Variants in PHF2 observed in about 807,000 individuals in gnomAD.
PHF2 encodes lysine-specific demethylase PHF2.
PHF2 carries 27 observed loss-of-function variants against 120.5 expected under a neutral mutation model. The ratio of observed to expected loss-of-function variants is 0.22; its 90% CI spans 0.17 to 0.31. The LOEUF (loss-of-function observed/expected upper bound fraction) is 0.31. Among genes scored for constraint, PHF2 ranks in the 10% least tolerant of loss-of-function variants. The probability of loss-of-function intolerance (pLI) is 1.00; values close to 1 mark genes in which losing one functional copy is unlikely to be tolerated. For missense variants in PHF2, 1,024 were observed against 1,434.8 expected, an observed-to-expected ratio of 0.71 and a Z score of 4.63; for synonymous variants, 568 against 592.5, an observed-to-expected ratio of 0.96 and a Z score of 0.60.
At chr9:93,654,391 T>A (rs1448637917) in intron 6 of PHF2, 22 bp from the exon 7 acceptor site, 1 of 1,607,384 alleles carries the variant, frequency 6.2e-7, no homozygotes, top group Non-Finnish European at 8.5e-7. Flanking sequence ...TGGGCGGCTC[T>A]GCCAACAGGC....
intron 17 of PHF2, 46 bp from the exon 18 acceptor site, chr9:93,673,539 C>T (rs200988002): frequency 1.3e-6 from 2 of 1,492,458 alleles, no homozygotes; most frequent in East Asian, 2.3e-5. Flanking sequence ...GCCTGGGCTG[C>T]AGGCCAAGAG....
At chr9:93,657,084 C>G (rs113555594) in intron 9 of PHF2, among the ~76,000 whole-genome samples, 7,020 of 152,226 alleles carry the variant, frequency 0.046, 236 homozygotes, top group Non-Finnish European at 0.072. Flanking sequence ...CTTTTCTGTC[C>G]CAGGTCCTGC....
chr9:93,649,359 CTT>C lies in PHF2; in HGVS notation c.602+150_602+151del, dbSNP rs1312337480. On this transcript the variant is annotated intron_variant, in intron 5 of 21. Coordinates refer to ENST00000359246, the MANE Select transcript of PHF2 (RefSeq NM_005392.4). ...ACACACTGATTTTTACTGTTTCTCT[CTT>C]TTAAATTTTTTCCTTTTTTTTTTTT... The C allele has an allele frequency of 2.3e-5, 5 of 214,758 alleles. No homozygotes were observed. In the Admixed American group the frequency reaches 3.8e-4, roughly 16 times the overall value. 13.3% of individuals were successfully genotyped at this position (214,758 alleles called of 1,614,324 possible). A position where few individuals can be genotyped will look rare whatever the true frequency, so the allele number is the denominator to read the frequency against.
At chr9:93,639,849 C>T (rs1826148678) in intron 3 of PHF2, among the ~76,000 whole-genome samples, 1 of 152,188 alleles carries the variant, frequency 6.6e-6, no homozygotes, top group Admixed American at 6.5e-5. Context: ...GGGGACGAAG[C>T]CTGTGTTTTT....
chr9:93,638,408 G>T (rs552376968), intron 3 of PHF2, among the ~76,000 whole-genome samples: 2 of 152,254 alleles, frequency 1.3e-5, no homozygotes, highest in African/African-American at 4.8e-5. Context: ...TGTAGTTTTA[G>T]CACATACAGT....
chr9:93,591,103 G>A (rs1217173122), intron 1 of PHF2, among the ~76,000 whole-genome samples: 1 of 152,090 alleles, frequency 6.6e-6, no homozygotes, highest in Non-Finnish European at 1.5e-5. Context: ...CTGTCATGGG[G>A]GCCAGCAGCC....
intron 1 of PHF2, among the ~76,000 whole-genome samples, chr9:93,587,549 G>A (rs1019377363): frequency 5.3e-5 from 8 of 151,756 alleles, no homozygotes; most frequent in Admixed American, 1.3e-4. Flanking sequence ...GAGGAGCCCC[G>A]GGTGAGGGAT....
rs529235646 is a variant in PHF2, at chr9:93,583,441, C to A, written c.98+6570C>A. ...GGATATATACTTGGGAATGGAATTG[C>A]CGGATCATATGGTAACTCTATGTTT... On this transcript the variant is annotated intron_variant, in intron 1 of 21. Transcript: ENST00000359246. Among the ~76,000 whole-genome samples, 11 of 152,296 alleles carry A rather than the reference C, an allele frequency of 7.2e-5. No homozygotes were observed. In the South Asian group the frequency reaches 1.9e-3, roughly 26 times the overall value.
intron 3 of PHF2, among the ~76,000 whole-genome samples, chr9:93,643,757 A>G (rs1252183202): frequency 2.0e-5 from 3 of 152,226 alleles, no homozygotes; most frequent in Admixed American, 1.3e-4. Flanking sequence ...TCTGACAGGT[A>G]TCTTAGACCA....
intron 1 of PHF2, among the ~76,000 whole-genome samples, chr9:93,606,505 A>G (rs1825545645): frequency 6.6e-6 from 1 of 152,224 alleles, no homozygotes; most frequent in Non-Finnish European, 1.5e-5. Flanking sequence ...CTATCCGTAT[A>G]TCTTCTTTAG....
intron 1 of PHF2, among the ~76,000 whole-genome samples, chr9:93,615,017 T>C (rs771170759): frequency 1.4e-4 from 21 of 151,584 alleles, no homozygotes; most frequent in Non-Finnish European, 2.8e-4. Context: ...ATAGTAATGA[T>C]GGTGATGGTG....
At position 93,656,359 on chromosome 9, in the gene PHF2, C is replaced by T. The variant is rs1216708932; in HGVS notation, c.1041-130C>T. Reference sequence around the variant, plus strand: ...GTCTGCAGCCACCAGGGCAGTTTTCCCCTGGTCCTCCTCAGCTATGCAGGG... The same window carrying T: ...GTCTGCAGCCACCAGGGCAGTTTTCTCCTGGTCCTCCTCAGCTATGCAGGG... On this transcript the variant is annotated intron_variant, in intron 8 of 21. Transcript: ENST00000359246. This position sits in a 1 kb window ranked among gnomAD's most constrained non-coding sequence, Gnocchi z 4.1. The T allele has an allele frequency of 8.6e-6, 6 of 699,348 alleles. No individual in the cohort carries two copies. The highest frequency in any genetic ancestry group is 7.5e-5 in the East Asian group (3 of 39,886). The allele number at this position is 699,348 out of a possible 1,614,324, so 43.3% of individuals were successfully genotyped here. A position where few individuals can be genotyped will look rare whatever the true frequency, so the allele number is the denominator to read the frequency against.
chr9:93,636,556 C>G, intron 3 of PHF2, 31 bp downstream of exon 3: 1 of 1,430,862 alleles, frequency 7.0e-7, no homozygotes. Flanking sequence ...GCTCCACCAC[C>G]TGCAGCCAGG....
At chr9:93,581,211 C>G (rs1862923922) in intron 1 of PHF2, among the ~76,000 whole-genome samples, 1 of 152,146 alleles carries the variant, frequency 6.6e-6, no homozygotes. Context: ...ATTGTGCCCA[C>G]CTAGTCTTAA....
chr9:93,602,764 T>C (rs1409179606), intron 1 of PHF2, among the ~76,000 whole-genome samples: 2 of 152,186 alleles, frequency 1.3e-5, no homozygotes, highest in Non-Finnish European at 2.9e-5. Flanking sequence ...GGGGGCAGAT[T>C]GCCAGGAGTA....
At position 93,660,270 on chromosome 9, in the gene PHF2, G is replaced by A. The variant is rs778342791; in HGVS notation, c.1408G>A (p.Glu470Lys). The change falls in exon 12 of 22, where the codon GAG becomes AAG. Residue 470 changes from glutamate to lysine, a missense_variant. Physicochemically the swap from Glu to Lys is moderately conservative, Grantham distance 56. This residue lies in a region of PHF2 where 677 missense variants were observed against 857.4 expected (regional missense o/e 0.79). Transcript: ENST00000359246. ...DEVCDGDREK[E>K]EPPSPIEATP... ...GGTGTGTGACGGGGACCGGGAGAAG[G>A]AGGAGCCCCCGTCTCCCATTGAGGC... 1 of 1,609,690 alleles carries A rather than the reference G, an allele frequency of 6.2e-7. No homozygotes were observed. The highest frequency in any genetic ancestry group is 1.3e-5 in the African/African-American group (1 of 74,588).
At chr9:93,606,124 C>T (rs998770800) in intron 1 of PHF2, among the ~76,000 whole-genome samples, 1 of 152,032 alleles carries the variant, frequency 6.6e-6, no homozygotes, top group East Asian at 1.9e-4. Flanking sequence ...ACTCTGCCAC[C>T]GTGCTCAGCT....
At chr9:93,605,227 C>T (rs118024063) in intron 1 of PHF2, among the ~76,000 whole-genome samples, 2,791 of 152,148 alleles carry the variant, frequency 0.018, 78 homozygotes, top group East Asian at 0.1. Flanking sequence ...TTATTTTATA[C>T]ATTTTTTTGA....
At chr9:93,617,146 G>A (rs75729879) in intron 1 of PHF2, among the ~76,000 whole-genome samples, 2 of 152,266 alleles carry the variant, frequency 1.3e-5, no homozygotes, top group South Asian at 2.1e-4. Flanking sequence ...GCCAGGTGTC[G>A]GTCATTCCTG....
Sources: allele counts gnomAD v4.1 joint callset (sites outside exome capture counted in the v4.1 genomes callset), GRCh38; gene constraint gnomAD v4.1.1; regional missense constraint gnomAD v4.1.1; non-coding constraint Gnocchi (gnomAD v3.1); transcripts MANE v1.5; gene names NCBI Gene and HGNC (gene_info 2026-07-23, HGNC 2026-07-21).